RORA: variants seen among roughly 807,000 people sequenced by gnomAD.
RORA encodes the protein RAR related orphan receptor A.
RORA carries 7 observed loss-of-function variants against 69.5 expected under a neutral mutation model. The ratio of observed to expected loss-of-function variants is 0.10; its 90% confidence interval spans 0.06 to 0.19. RORA has a LOEUF of 0.19. Ranked by LOEUF, RORA falls within the 10% of genes least tolerant of loss-of-function variation. RORA has a pLI of 1.00. For missense variants in RORA, 457 were observed against 663.0 expected, an observed-to-expected ratio of 0.69 and a Z score of 3.41; for synonymous variants, 261 against 240.8, an observed-to-expected ratio of 1.08 and a Z score of -0.78.
At chr15:60,939,691 T>C (rs1892631715) in intron 1 of RORA, among the ~76,000 whole-genome samples, 2 of 152,208 alleles carry the variant, frequency 1.3e-5, no homozygotes, top group African/African-American at 4.8e-5. Context: ...GGACAGCACA[T>C]TTTTCAGGAG....
chr15:61,161,161 G>A (rs1567017365), intron 1 of RORA, among the ~76,000 whole-genome samples: 1 of 152,140 alleles, frequency 6.6e-6, no homozygotes. Context: ...AGATGATGCT[G>A]GAGCCAGAAG....
At chr15:60,662,699 C>T (rs915318668) in intron 2 of RORA, among the ~76,000 whole-genome samples, 2 of 151,790 alleles carry the variant, frequency 1.3e-5, no homozygotes, top group African/African-American at 4.8e-5. Context: ...AATGCTGAGG[C>T]CAAGCATATA....
intron 1 of RORA, among the ~76,000 whole-genome samples, chr15:60,911,598 T>TA (rs1381212756): frequency 6.6e-6 from 1 of 152,078 alleles, no homozygotes; most frequent in Admixed American, 6.5e-5. Context: ...GCAAATATAT[T>TA]AAAAAGCCAA....
At chr15:61,122,486 C>G (rs983182122) in intron 1 of RORA, among the ~76,000 whole-genome samples, 3 of 152,172 alleles carry the variant, frequency 2.0e-5, no homozygotes, top group African/African-American at 7.2e-5. Context: ...CCTGAGGTTA[C>G]ACTGACTTCA....
chr15:61,180,201 A>C (rs897118139), intron 1 of RORA, among the ~76,000 whole-genome samples: 22 of 151,986 alleles, frequency 1.4e-4, no homozygotes, highest in African/African-American at 5.3e-4. Context: ...ACTACACTGA[A>C]GATACCAGTT....
intron 2 of RORA, among the ~76,000 whole-genome samples, chr15:60,556,230 T>C (rs1275558936): frequency 6.6e-6 from 1 of 152,216 alleles, no homozygotes; most frequent in Non-Finnish European, 1.5e-5. Flanking sequence ...CTTTATTTCA[T>C]GCTTTCTCTT....
At chr15:60,682,725 G>A (rs1365376789) in intron 1 of RORA, among the ~76,000 whole-genome samples, 10 of 152,188 alleles carry the variant, frequency 6.6e-5, no homozygotes, top group African/African-American at 2.2e-4. Context: ...CTACCGAAGG[G>A]CATCGAACCA....
At chr15:60,806,396 C>T (rs1159346295) in intron 1 of RORA, among the ~76,000 whole-genome samples, 1 of 152,146 alleles carries the variant, frequency 6.6e-6, no homozygotes, top group Non-Finnish European at 1.5e-5. Flanking sequence ...CTAAATCAGG[C>T]CAGACCAGAA....
intron 1 of RORA, among the ~76,000 whole-genome samples, chr15:61,197,720 C>T (rs1036728664): frequency 1.3e-5 from 2 of 152,168 alleles, no homozygotes; most frequent in Non-Finnish European, 2.9e-5. Flanking sequence ...CCTACCCAGA[C>T]GAACTCATTA....
chr15:61,190,459 T>A (rs1391420350), intron 1 of RORA, among the ~76,000 whole-genome samples: 1 of 151,948 alleles, frequency 6.6e-6, no homozygotes, highest in East Asian at 1.9e-4. Flanking sequence ...ATAGATTACA[T>A]AAAGAGTTCA....
chr15:61,101,999 G>A (rs879371736), intron 1 of RORA, among the ~76,000 whole-genome samples: 1 of 152,102 alleles, frequency 6.6e-6, no homozygotes, highest in Admixed American at 6.5e-5. Flanking sequence ...CATCTCCCAA[G>A]GCACACAGGG....
chr15:61,185,793 G>C (rs2079735627), intron 1 of RORA, among the ~76,000 whole-genome samples: 2 of 152,112 alleles, frequency 1.3e-5, no homozygotes. Flanking sequence ...CCATGGCTCT[G>C]AGGGTCTCCT....
intron 1 of RORA, among the ~76,000 whole-genome samples, chr15:60,844,019 A>T (rs1281186936): frequency 6.6e-6 from 1 of 151,868 alleles, no homozygotes; most frequent in East Asian, 1.9e-4. Context: ...TATTCTCTCC[A>T]CCAGGAATAT....
chr15:60,537,531 G>A lies in RORA; in HGVS notation c.197-5680C>T, dbSNP rs2066716983. Among the ~76,000 whole-genome samples the A allele has an allele frequency of 6.6e-6, 1 of 152,168 alleles. No individual in the cohort carries two copies. Among genetic ancestry groups the A allele is most frequent in the South Asian group, 2.1e-4 (1 of 4,832 alleles). On this transcript the variant is annotated intron_variant, in intron 2 of 10. Coordinates refer to ENST00000335670, the MANE Select transcript of RORA (RefSeq NM_134261.3). The surrounding 1 kb of genome is among the most constrained non-coding windows in gnomAD (Gnocchi z 4.9). ...CATGGGAGGCCCCAGGACACCATAA[G>A]GGTTTGCAGAGAGCTCTCATTACAT...
At chr15:61,045,337 C>A (rs1896968215) in intron 1 of RORA, among the ~76,000 whole-genome samples, 1 of 152,182 alleles carries the variant, frequency 6.6e-6, no homozygotes, top group Non-Finnish European at 1.5e-5. Context: ...GAGTCCTCCC[C>A]AGCCATGTGG....
intron 1 of RORA, among the ~76,000 whole-genome samples, chr15:61,009,769 G>C (rs1332461992): frequency 6.6e-6 from 1 of 152,056 alleles, no homozygotes; most frequent in East Asian, 1.9e-4. Flanking sequence ...GATTAACCTG[G>C]GCAATTGACA....
At chr15:61,137,379 T>G (rs1269427187) in intron 1 of RORA, among the ~76,000 whole-genome samples, 1 of 152,266 alleles carries the variant, frequency 6.6e-6, no homozygotes, top group Non-Finnish European at 1.5e-5. Flanking sequence ...ACCTGGAGAC[T>G]GTGGCTCAAC....
At chr15:60,864,965 T>C (rs932090382) in intron 1 of RORA, among the ~76,000 whole-genome samples, 17 of 152,222 alleles carry the variant, frequency 1.1e-4, no homozygotes, top group African/African-American at 3.9e-4. Flanking sequence ...CCTTGCCTCT[T>C]CCTTTGGGGA....
At chr15:60,549,279 G>C (rs1341056786) in intron 2 of RORA, among the ~76,000 whole-genome samples, 1 of 152,224 alleles carries the variant, frequency 6.6e-6, no homozygotes, top group East Asian at 1.9e-4. Context: ...AGAAAATAAA[G>C]TGATTTTCTT....
Sources: allele counts gnomAD v4.1 joint callset (sites outside exome capture counted in the v4.1 genomes callset), GRCh38; gene constraint gnomAD v4.1.1; non-coding constraint Gnocchi (gnomAD v3.1); transcripts MANE v1.5; gene names NCBI Gene and HGNC (gene_info 2026-07-23, HGNC 2026-07-21).